The following DSCAM variants were observed in gnomAD, a reference collection of about 807,000 sequenced individuals.
DSCAM encodes cell adhesion molecule DSCAM.
In DSCAM, 47 loss-of-function variants were observed where a neutral mutation model predicts 217.7. The ratio of observed to expected loss-of-function variants is 0.22; its 90% CI spans 0.17 to 0.28. The LOEUF (loss-of-function observed/expected upper bound fraction) is 0.28, where lower values mean the gene tolerates loss of function less well. DSCAM is among the 10% of genes least tolerant of loss of function. The pLI is 1.00. For synonymous variants in DSCAM, 1,056 were observed against 1,015.3 expected, an observed-to-expected ratio of 1.04 and a Z score of -0.76; for missense variants, 2,080 against 2,618.3, an observed-to-expected ratio of 0.79 and a Z score of 4.49.
chr21:40,358,739 T>C (rs1331459409), intron 4 of DSCAM, among the ~76,000 whole-genome samples: 1 of 150,138 alleles, frequency 6.7e-6, no homozygotes, highest in African/African-American at 2.5e-5. Context: ...GAAGCGGAGG[T>C]TGCAGTGAGC....
intron 3 of DSCAM, among the ~76,000 whole-genome samples, chr21:40,663,653 CTCTT>C (rs1303461850): frequency 2.6e-5 from 4 of 152,156 alleles, no homozygotes; most frequent in African/African-American, 9.7e-5. Context: ...AGAAAGAAGA[CTCTT>C]TCCCCCTGGC....
intron 1 of DSCAM, among the ~76,000 whole-genome samples, chr21:40,820,461 G>A (rs1410718087): frequency 6.6e-6 from 1 of 152,064 alleles, no homozygotes; most frequent in Non-Finnish European, 1.5e-5. Flanking sequence ...GGCCTGTCAG[G>A]GAGTGGGGGC....
At chr21:40,459,920 G>A (rs1336758300) in intron 3 of DSCAM, among the ~76,000 whole-genome samples, 1 of 152,084 alleles carries the variant, frequency 6.6e-6, no homozygotes, top group African/African-American at 2.4e-5. Flanking sequence ...AACTAAAATT[G>A]CATTCCTATC....
At chr21:40,506,034 G>A (rs187802574) in intron 3 of DSCAM, among the ~76,000 whole-genome samples, 121 of 152,314 alleles carry the variant, frequency 7.9e-4, no homozygotes, top group Non-Finnish European at 7.8e-4. Context: ...GTGAACCACG[G>A]ATATGATACT....
At chr21:40,069,499 C>T (rs2089258391) in intron 27 of DSCAM, among the ~76,000 whole-genome samples, 3 of 152,220 alleles carry the variant, frequency 2.0e-5, no homozygotes, top group Admixed American at 2.0e-4. Flanking sequence ...AACTGCCTCA[C>T]ATTTTGCACA....
intron 11 of DSCAM, among the ~76,000 whole-genome samples, chr21:40,217,907 T>C (rs2091257845): frequency 6.6e-6 from 1 of 152,142 alleles, no homozygotes; most frequent in African/African-American, 2.4e-5. Context: ...TTATTAGACC[T>C]TTACCAGATG....
At chr21:40,510,171 A>G (rs1001529330) in intron 3 of DSCAM, among the ~76,000 whole-genome samples, 1 of 152,122 alleles carries the variant, frequency 6.6e-6, no homozygotes, top group Non-Finnish European at 1.5e-5. Context: ...CTCTAAAATA[A>G]ATAACAAAGA....
At chr21:40,159,029 C>T (rs1249587686) in intron 16 of DSCAM, among the ~76,000 whole-genome samples, 2 of 152,188 alleles carry the variant, frequency 1.3e-5, no homozygotes, top group Non-Finnish European at 2.9e-5. Flanking sequence ...GTTTTTCTGT[C>T]TTGCTTCATG....
chr21:40,628,458 GCTCA>G (rs2089633669), intron 3 of DSCAM, among the ~76,000 whole-genome samples: 1 of 152,288 alleles, frequency 6.6e-6, no homozygotes, highest in East Asian at 1.9e-4. Context: ...GGTCAAACCA[GCTCA>G]CTGTTTGTTT....
At chr21:40,578,058 C>T (rs906353931) in intron 3 of DSCAM, among the ~76,000 whole-genome samples, 1 of 152,240 alleles carries the variant, frequency 6.6e-6, no homozygotes, top group Admixed American at 6.5e-5. Flanking sequence ...TTAGTAAAAA[C>T]AAAGTTGGGC....
At chr21:40,524,471 TTATATACA>T (rs2076384464) in intron 3 of DSCAM, among the ~76,000 whole-genome samples, 1 of 152,184 alleles carries the variant, frequency 6.6e-6, no homozygotes, top group Non-Finnish European at 1.5e-5. Context: ...TCTTAAGTGC[TTATATACA>T]TATATAAACA....
chr21:40,631,170 G>A (rs2089686558), intron 3 of DSCAM, among the ~76,000 whole-genome samples: 1 of 152,116 alleles, frequency 6.6e-6, no homozygotes, highest in Non-Finnish European at 1.5e-5. Context: ...TGGCCTCTCT[G>A]CATGGCTCAG....
At chr21:40,835,688 A>G (rs911548075) in intron 1 of DSCAM, among the ~76,000 whole-genome samples, 2 of 152,230 alleles carry the variant, frequency 1.3e-5, no homozygotes, top group Non-Finnish European at 2.9e-5. Context: ...TATCTAAAAT[A>G]AGATCTCAGG....
intron 3 of DSCAM, among the ~76,000 whole-genome samples, chr21:40,523,127 C>T (rs952969777): frequency 2.6e-5 from 4 of 152,036 alleles, no homozygotes; most frequent in African/African-American, 7.2e-5. Flanking sequence ...TTAAAAAATG[C>T]ATACTTTCTA....
At chr21:40,023,105 G>C (rs1428796386) in intron 32 of DSCAM, among the ~76,000 whole-genome samples, 2 of 146,106 alleles carry the variant, frequency 1.4e-5, no homozygotes, top group African/African-American at 2.5e-5. Flanking sequence ...TCCCACCTAT[G>C]AGTGAGAATA....
In DSCAM at chr21:40,465,798, A is replaced by C. The variant is rs1601664625; in HGVS notation, c.509-96553T>G. ...AAATTATATTCTCTCTCCAAATGCC[A>C]TTACAGCTTACTCTTGAAATACTTG... On this transcript the variant is annotated intron_variant, in intron 3 of 32. Transcript: ENST00000400454. Among the ~76,000 whole-genome samples, 4 of 152,246 alleles carry C rather than the reference A, an allele frequency of 2.6e-5. 1 individual carries two copies. The South Asian group carries it at 8.3e-4, about 32-fold the overall frequency.
chr21:40,733,288 G>A (rs1265863558), intron 1 of DSCAM, among the ~76,000 whole-genome samples: 1 of 152,234 alleles, frequency 6.6e-6, no homozygotes, highest in Admixed American at 6.5e-5. Context: ...TGATGGGACT[G>A]AGGAGGTTGC....
At chr21:40,595,596 A>G (rs1568927968) in intron 3 of DSCAM, among the ~76,000 whole-genome samples, 2 of 152,304 alleles carry the variant, frequency 1.3e-5, no homozygotes, top group South Asian at 4.1e-4. Context: ...GAACGGGAAC[A>G]CAACCTTTGT....
intron 3 of DSCAM, among the ~76,000 whole-genome samples, chr21:40,680,025 A>G (rs953596038): frequency 6.6e-6 from 1 of 152,216 alleles, no homozygotes; most frequent in African/African-American, 2.4e-5. Context: ...AATAAGAAGA[A>G]GAAGGACAAT....
Sources: allele counts gnomAD v4.1 joint callset (sites outside exome capture counted in the v4.1 genomes callset), GRCh38; gene constraint gnomAD v4.1.1; transcripts MANE v1.5; gene names NCBI Gene and HGNC (gene_info 2026-07-23, HGNC 2026-07-21).